Variants in ZNF704 observed in about 807,000 individuals in gnomAD.
ZNF704 encodes the protein zinc finger protein 704, also known as glucocorticoid induced gene 1.
In ZNF704, 10 loss-of-function variants were observed where a neutral mutation model predicts 44.7. That is an observed-to-expected ratio of 0.22 (90% CI 0.14 to 0.38). The LOEUF (loss-of-function observed/expected upper bound fraction) is 0.38. Ranked by LOEUF, ZNF704 falls within the 10% of genes least tolerant of loss-of-function variation. The pLI is 1.00. For synonymous variants in ZNF704, 211 were observed against 207.6 expected, an observed-to-expected ratio of 1.02 and a Z score of -0.14; for missense variants, 390 against 545.5, an observed-to-expected ratio of 0.71 and a Z score of 2.84.
At chr8:80,778,471 A>G (rs932058534) in intron 2 of ZNF704, among the ~76,000 whole-genome samples, 1 of 152,222 alleles carries the variant, frequency 6.6e-6, no homozygotes, top group Non-Finnish European at 1.5e-5. Context: ...AGCTAAAAAC[A>G]GAATTACCAT....
the ZNF704 span, among the ~76,000 whole-genome samples, chr8:80,883,050 C>T: frequency 1.2e-5 from 1 of 83,114 alleles, no homozygotes. Flanking sequence ...CCAGACTGGG[C>T]AACATAATGA....
At chr8:80,861,651 CA>C (rs1317398956) in intron 1 of ZNF704, among the ~76,000 whole-genome samples, 1 of 151,936 alleles carries the variant, frequency 6.6e-6, no homozygotes, top group Non-Finnish European at 1.5e-5. Context: ...TGAAGTGCTC[CA>C]GAGCTCAGTC....
chr8:80,734,320 C>CTGG lies in ZNF704; in HGVS notation c.222-41214_222-41213insCCA, dbSNP rs1160126052. 3.9e-5 allele frequency among the ~76,000 whole-genome samples: 6 copies of CTGG among 152,194 alleles called. No individual in the cohort carries two copies. The South Asian group carries it at 1.2e-3, about 32-fold the overall frequency. On this transcript the variant is annotated intron_variant, in intron 2 of 8. Coordinates refer to ENST00000327835, the MANE Select transcript of ZNF704 (RefSeq NM_001033723.3). Reference sequence around the variant, plus strand: ...GTCCACAGGACCCTGGGAATATTTCCACGTTTTCTGGATTGTTTAATATTA... The same window carrying CTGG: ...GTCCACAGGACCCTGGGAATATTTCCTGGACGTTTTCTGGATTGTTTAATATTA...
chr8:80,792,743 A>G (rs921695464), intron 2 of ZNF704, among the ~76,000 whole-genome samples: 1 of 152,172 alleles, frequency 6.6e-6, no homozygotes, highest in African/African-American at 2.4e-5. Context: ...CTTCCAGCTG[A>G]CAGCCACCTA....
chr8:80,679,420 T>C (rs1196338522), intron 4 of ZNF704, among the ~76,000 whole-genome samples: 2 of 152,200 alleles, frequency 1.3e-5, no homozygotes. Flanking sequence ...CCCAGATTGC[T>C]GCATGGGTCC....
chr8:80,771,691 A>G (rs546663186), intron 2 of ZNF704, among the ~76,000 whole-genome samples: 157 of 152,264 alleles, frequency 1.0e-3, no homozygotes, highest in Admixed American at 2.5e-3. Flanking sequence ...GTATGTCTTC[A>G]GCTCATTTTC....
In ZNF704 at chr8:80,664,981, G is replaced by T; in HGVS notation, c.761C>A (p.Ala254Asp). Residue 254 changes from alanine to aspartate, a missense_variant, in exon 6 of 9, where the codon GCC becomes GAC. By Grantham distance (126) the Ala-to-Asp change is moderately radical. This residue lies in a region of ZNF704 where 305 missense variants were observed against 435.7 expected (regional missense o/e 0.70). Coordinates refer to ENST00000327835, the MANE Select transcript of ZNF704 (RefSeq NM_001033723.3). ...DSVADGLSSLAPVSPSQSLAS... is the reference protein window; with the variant it reads ...DSVADGLSSLDPVSPSQSLAS... ...CAGGGACTGGGAAGGTGAGACCGGG[G>T]CCAGGCTGCTCAGCCCGTCTGCCAC... is the stretch of plus-strand genomic sequence containing the variant. 6.2e-7 allele frequency: 1 copy of T among 1,614,202 alleles called. No individual in the cohort carries two copies.
intron 2 of ZNF704, among the ~76,000 whole-genome samples, chr8:80,696,616 C>T (rs1269433714): frequency 1.3e-5 from 2 of 152,178 alleles, no homozygotes; most frequent in African/African-American, 4.8e-5. Flanking sequence ...CGGGGTTTCA[C>T]CATGTTGACC....
chr8:80,870,812 G>A (rs1384482750), intron 1 of ZNF704, among the ~76,000 whole-genome samples: 1 of 151,776 alleles, frequency 6.6e-6, no homozygotes, highest in Non-Finnish European at 1.5e-5. Context: ...CACTATCCCT[G>A]ACCTCTCCTA....
At chr8:80,811,910 C>T (rs1297362740) in intron 2 of ZNF704, among the ~76,000 whole-genome samples, 1 of 152,160 alleles carries the variant, frequency 6.6e-6, no homozygotes, top group African/African-American at 2.4e-5. Context: ...ATTAGATTCT[C>T]AAAGGCACGT....
chr8:80,737,352 AG>A (rs1806684393), intron 2 of ZNF704, among the ~76,000 whole-genome samples: 1 of 152,178 alleles, frequency 6.6e-6, no homozygotes, highest in African/African-American at 2.4e-5. Flanking sequence ...TTTTATAAAA[AG>A]GCTCACTGAC....
rs1276425893 is a variant in ZNF704, at chr8:80,670,361, G to C, written c.659+142C>G. On this transcript the variant is annotated intron_variant, in intron 5 of 8. Coordinates refer to ENST00000327835, the MANE Select transcript of ZNF704 (RefSeq NM_001033723.3). ...ATATTGGCTTAGATGATCTGCAGTG[G>C]CCATCTCTCTAGAGATTAGGAAGAC... The C allele has an allele frequency of 8.3e-6, 5 of 600,150 alleles. No homozygotes were observed. In the Admixed American group the frequency reaches 1.3e-4, roughly 16 times the overall value. The allele number at this position is 600,150 out of a possible 1,614,324, so 37.2% of individuals were successfully genotyped here.
At chr8:80,654,378 G>T (rs1410214354) in intron 7 of ZNF704, among the ~76,000 whole-genome samples, 13 of 150,994 alleles carry the variant, frequency 8.6e-5, no homozygotes, top group Non-Finnish European at 1.0e-4. Flanking sequence ...CACAGCAAAA[G>T]AAACTACCAT....
intron 2 of ZNF704, among the ~76,000 whole-genome samples, chr8:80,777,864 G>C (rs1239127446): frequency 1.3e-5 from 2 of 149,568 alleles, no homozygotes; most frequent in East Asian, 3.9e-4. Context: ...AGGCGACAGA[G>C]TGAGGCTGCG....
intron 2 of ZNF704, among the ~76,000 whole-genome samples, chr8:80,793,345 T>C (rs142663186): frequency 3.3e-5 from 5 of 152,304 alleles, no homozygotes; most frequent in Middle Eastern, 6.8e-3. Flanking sequence ...CAAGTGAAGA[T>C]GTTTAGTATA....
intron 1 of ZNF704, among the ~76,000 whole-genome samples, chr8:80,846,672 T>G (rs1323441417): frequency 6.6e-6 from 1 of 152,178 alleles, no homozygotes; most frequent in Non-Finnish European, 1.5e-5. Context: ...GACTTAAAAC[T>G]TCTCCAGAAA....
At chr8:80,684,442 G>A (rs556433084) in intron 4 of ZNF704, among the ~76,000 whole-genome samples, 3 of 152,268 alleles carry the variant, frequency 2.0e-5, no homozygotes, top group Admixed American at 6.5e-5. Flanking sequence ...GGATTGAGAC[G>A]TGCAGTTGGA....
rs955213955 is a variant in ZNF704, at chr8:80,638,082, CCT to C, written c.*3282_*3283del. 12 of 152,564 alleles carry C rather than the reference CCT, an allele frequency of 7.9e-5. No homozygotes were observed. Among genetic ancestry groups the C allele is most frequent in the Non-Finnish European group, 1.6e-4 (11 of 68,252 alleles). The allele number at this position is 152,564 out of a possible 1,614,324, so 9.5% of individuals were successfully genotyped here. On this transcript the variant is annotated 3_prime_UTR_variant, in exon 9 of 9. Transcript: ENST00000327835. ...GTCCACAGCCCTCTTGTACCTCCCC[CCT>C]GACTCCCTTGCTACCTGTGTGTTTT...
At chr8:80,662,565 T>C (rs1035095902) in intron 6 of ZNF704, among the ~76,000 whole-genome samples, 1 of 152,218 alleles carries the variant, frequency 6.6e-6, no homozygotes, top group African/African-American at 2.4e-5. Context: ...CTAATTCAAA[T>C]ATTAGCTCTA....
Sources: allele counts gnomAD v4.1 joint callset (sites outside exome capture counted in the v4.1 genomes callset), GRCh38; gene constraint gnomAD v4.1.1; regional missense constraint gnomAD v4.1.1; transcripts MANE v1.5; gene names NCBI Gene and HGNC (gene_info 2026-07-23, HGNC 2026-07-21).